Variants in TBX21 observed in about 807,000 individuals in gnomAD.
The protein encoded by TBX21 is T-box transcription factor TBX21.
In TBX21, 11 loss-of-function variants were observed where a neutral mutation model predicts 52.2. The observed-to-expected ratio is 0.21, with a 90% CI of 0.13 to 0.35. The LOEUF (loss-of-function observed/expected upper bound fraction) is 0.35. Ranked by LOEUF, TBX21 falls within the 10% of genes least tolerant of loss-of-function variation. The pLI is 1.00. For missense variants in TBX21, 625 were observed against 755.1 expected, an observed-to-expected ratio of 0.83 and a Z score of 2.02; for synonymous variants, 300 against 316.1, an observed-to-expected ratio of 0.95 and a Z score of 0.54.
intron 1 of TBX21, among the ~76,000 whole-genome samples, chr17:47,739,374 C>T (rs2032242548): frequency 6.6e-6 from 1 of 151,744 alleles, no homozygotes; most frequent in African/African-American, 2.4e-5. Flanking sequence ...TAACCCCGCT[C>T]GGGTGACTCG....
Position 47,745,323 on chromosome 17 carries a change from A to G in TBX21, c.1565A>G (p.Asp522Gly). The G allele has an allele frequency of 6.2e-7, 1 of 1,609,986 alleles. No individual in the cohort carries two copies. Among genetic ancestry groups the G allele is most frequent in the Non-Finnish European group, 8.5e-7 (1 of 1,178,810 alleles). ...SSPAGAPSPF[D>G]KEAEGQFYNY... ...CCTGCTGGGGCCCCTTCTCCTTTTG[A>G]TAAGGAAGCTGAAGGACAGTTTTAT... The change falls in exon 6 of 6, where the codon GAT becomes GGT. Residue 522 changes from aspartate (D) to glycine (G), a missense_variant. By Grantham distance (94) the Asp-to-Gly change is moderately conservative. Around this residue, in one of 4 missense-constraint regions of TBX21, gnomAD observed 261 missense variants for 275.1 expected, o/e 0.95. Transcript: ENST00000177694.
intron 1 of TBX21, among the ~76,000 whole-genome samples, chr17:47,738,644 A>C (rs1432968989): frequency 6.6e-6 from 1 of 151,154 alleles, no homozygotes; most frequent in African/African-American, 2.4e-5. Flanking sequence ...TCTGTTGCCC[A>C]GGCTGAAGTG....
At chr17:47,740,032 G>T (rs1401647134) in intron 1 of TBX21, among the ~76,000 whole-genome samples, 1 of 152,108 alleles carries the variant, frequency 6.6e-6, no homozygotes, top group Non-Finnish European at 1.5e-5. Context: ...CGGAGCGTCA[G>T]TTTCTTCAAA....
Position 47,741,365 on chromosome 17 carries a change from G to T in TBX21, c.492-1245G>T, listed in dbSNP as rs555774960. The stretch of plus-strand genomic sequence containing the variant: ...GGTGGTGGTGACGGGGCTAGTGAAG[G>T]TGTTAGTGGTGGAGATGGTGATGGT... On this transcript the variant is annotated intron_variant, in intron 1 of 5. Transcript: ENST00000177694. Among the ~76,000 whole-genome samples, 109 of 152,198 alleles carry T rather than the reference G, an allele frequency of 7.2e-4. No homozygotes were observed. In the South Asian group the frequency reaches 0.017, roughly 24 times the overall value.
intron 1 of TBX21, among the ~76,000 whole-genome samples, chr17:47,739,406 G>T (rs979576047): frequency 2.0e-5 from 3 of 151,442 alleles, no homozygotes; most frequent in Admixed American, 2.0e-4. Context: ...CAGGAGGATT[G>T]CCTGTGCCCA....
In TBX21 at chr17:47,734,622, G is replaced by GTGTGTGTGT. The variant is rs1567918990; in HGVS notation, c.491+677_491+678insTGTGTGTGT. 1.5e-3 allele frequency among the ~76,000 whole-genome samples: 153 copies of GTGTGTGTGT among 99,544 alleles called. 5 individuals are homozygous for GTGTGTGTGT. Among genetic ancestry groups the GTGTGTGTGT allele is most frequent in the Middle Eastern group, 4.5e-3 (1 of 220 alleles). The allele number at this position is 99,544 out of a possible 152,430, so 65.3% of individuals were successfully genotyped here. On this transcript the variant is annotated intron_variant, in intron 1 of 5. Coordinates refer to ENST00000177694, the MANE Select transcript of TBX21 (RefSeq NM_013351.2). ...GTGTGTGTGTGTGTATGTGTGTGTG[G>GTGTGTGTGT]GTGTGTGTGTATGGGGGCTAGTGCA...
intron 1 of TBX21, among the ~76,000 whole-genome samples, chr17:47,738,548 A>T (rs771960961): frequency 7.9e-5 from 12 of 151,956 alleles, no homozygotes; most frequent in Admixed American, 5.9e-4. Flanking sequence ...GCCCACACCA[A>T]TAGTCTATGA....
intron 1 of TBX21, among the ~76,000 whole-genome samples, chr17:47,741,717 G>T (rs955176658): frequency 6.6e-6 from 1 of 152,190 alleles, no homozygotes; most frequent in Non-Finnish European, 1.5e-5. Context: ...GAACTGAGGC[G>T]TGAGGACCTT....
rs760993880 is a variant in TBX21 at position 47,745,179 on chromosome 17, C to G, written c.1421C>G (p.Pro474Arg). 2.5e-5 allele frequency: 41 copies of G among 1,614,092 alleles called. No homozygotes were observed. The highest frequency in any genetic ancestry group is 3.3e-5 in the Admixed American group (2 of 60,000). Residue 474 changes from proline to arginine, a missense_variant, in exon 6 of 6, where the codon CCC (proline) becomes CGC (arginine). Pro to Arg is a moderately radical substitution (Grantham distance 103). Coordinates refer to ENST00000177694, the MANE Select transcript of TBX21 (RefSeq NM_013351.2). The part of the protein sequence containing the change: ...EGRGPEDQGP[P>R]LVWTEIAPIR... ...CGGGGACCAGAGGACCAGGGTCCCC[C>G]CTTGGTGTGGACTGAGATTGCCCCC...
chr17:47,744,887 G>A lies in TBX21; in HGVS notation c.1129G>A (p.Ala377Thr), dbSNP rs541852017. 1.8e-5 allele frequency: 29 copies of A among 1,614,214 alleles called. No individual in the cohort carries two copies. The highest frequency in any genetic ancestry group is 1.4e-4 in the South Asian group (13 of 91,082). The change falls in exon 6 of 6, where the codon GCG (alanine) becomes ACG (threonine). Residue 377 changes from alanine (A) to threonine (T), a missense_variant. By Grantham distance (58) the Ala-to-Thr change is moderately conservative. Transcript: ENST00000177694. ...CTTCTACCCCGACCTTCCTGGCCAG[G>A]CGAAGGATGTGGTTCCCCAGGCTTA... ...SRFYPDLPGQ[A>T]KDVVPQAYWL...
At chr17:47,735,898 C>T (rs2032202181) in intron 1 of TBX21, among the ~76,000 whole-genome samples, 1 of 152,198 alleles carries the variant, frequency 6.6e-6, no homozygotes. Flanking sequence ...TCCCCACAGC[C>T]TCTGCCAGGC....
intron 1 of TBX21, among the ~76,000 whole-genome samples, chr17:47,737,038 G>A (rs1223682240): frequency 6.6e-6 from 1 of 152,156 alleles, no homozygotes; most frequent in Non-Finnish European, 1.5e-5. Context: ...AGGGCACAGG[G>A]GGTGATTCCT....
rs528677771 is a variant in TBX21 at position 47,742,511 on chromosome 17, C to T, written c.492-99C>T. On this transcript the variant is annotated intron_variant, in intron 1 of 5. Transcript: ENST00000177694. The surrounding 1 kb of genome is among the most constrained non-coding windows in gnomAD (Gnocchi z 4.4). Reference sequence around the variant, plus strand: ...CTGGTTCTTGTGAGTGGGAGGAAGCCGGCTACAGCACACCACTGATGCCTG... The same window carrying T: ...CTGGTTCTTGTGAGTGGGAGGAAGCTGGCTACAGCACACCACTGATGCCTG... 82 of 1,386,152 alleles carry T rather than the reference C, an allele frequency of 5.9e-5. 1 individual carries two copies. The highest frequency in any genetic ancestry group is 8.1e-5 in the South Asian group (5 of 61,814). 85.9% of individuals were successfully genotyped at this position (1,386,152 alleles called of 1,614,324 possible).
intron 1 of TBX21, among the ~76,000 whole-genome samples, chr17:47,737,779 C>G (rs1050156626): frequency 5.9e-5 from 9 of 151,438 alleles, no homozygotes; most frequent in African/African-American, 2.2e-4. Flanking sequence ...GCAGAAGCCA[C>G]CAAGCCCAGC....
Position 47,733,792 on chromosome 17 carries a change from C to G in TBX21, c.338C>G (p.Pro113Arg). ...QPGEGYAAPD[P>R]RAGLYPGPRE... ...GGCGAGGGCTACGCCGCCCCGGACCCGCGCGCCGGGCTCTACCCGGGGCCG... is the reference window on the plus strand; with the variant it reads ...GGCGAGGGCTACGCCGCCCCGGACCGGCGCGCCGGGCTCTACCCGGGGCCG... Residue 113 changes from proline (P) to arginine (R), a missense_variant, in exon 1 of 6, where the codon CCG becomes CGG. Physicochemically the swap from Pro to Arg is moderately radical, Grantham distance 103 (BLOSUM62 -2). This residue lies in a region of TBX21 where 221 missense variants were observed against 204.9 expected (regional missense o/e 1.08). Coordinates refer to ENST00000177694, the MANE Select transcript of TBX21 (RefSeq NM_013351.2). The surrounding 1 kb of genome is among the most constrained non-coding windows in gnomAD (Gnocchi z 6.6). 3.2e-6 allele frequency: 5 copies of G among 1,564,840 alleles called. No individual in the cohort carries two copies. Among genetic ancestry groups the G allele is most frequent in the Non-Finnish European group, 4.3e-6 (5 of 1,156,642 alleles).
intron 1 of TBX21, among the ~76,000 whole-genome samples, chr17:47,739,562 CA>C (rs966945510): frequency 6.6e-6 from 1 of 152,034 alleles, no homozygotes; most frequent in Non-Finnish European, 1.5e-5. Context: ...AGTTCGAGAC[CA>C]GCTTGATTAA....
rs2032308636 is a variant in TBX21, at chr17:47,744,772, C to T, written c.1014C>T (p.Ser338=). The change falls in exon 6 of 6, where the codon AGC becomes AGT. Residue 338 remains serine (S), a synonymous_variant. Coordinates refer to ENST00000177694, the MANE Select transcript of TBX21 (RefSeq NM_013351.2). The part of the protein sequence containing the change: ...FESMYTSVDT[S]IPSPPGPNCQ... ...GCATGTACACATCTGTTGACACCAG[C>T]ATCCCCTCCCCGCCTGGACCCAACT... The T allele has an allele frequency of 6.2e-7, 1 of 1,613,776 alleles. No homozygotes were observed. Among genetic ancestry groups the T allele is most frequent in the Admixed American group, 1.7e-5 (1 of 59,988 alleles).
intron 1 of TBX21, among the ~76,000 whole-genome samples, chr17:47,734,554 G>GGTGTGT (rs55690005): frequency 0.025 from 2,536 of 102,864 alleles, 87 homozygotes; most frequent in East Asian, 0.046. Flanking sequence ...TCATATGTCT[G>GGTGTGT]GTGTGTGTGT....
chr17:47,735,637 C>G (rs1030555332), intron 1 of TBX21, among the ~76,000 whole-genome samples: 1 of 152,216 alleles, frequency 6.6e-6, no homozygotes, highest in Non-Finnish European at 1.5e-5. Context: ...TGGCCCCCTA[C>G]GGCCACCAGT....
Sources: gnomAD v4.1 joint callset for allele counts (sites outside exome capture counted in the v4.1 genomes callset) on GRCh38, gnomAD v4.1.1 for gene constraint, gnomAD v4.1.1 regional missense constraint, Gnocchi (gnomAD v3.1) non-coding constraint, MANE v1.5 for transcripts, NCBI Gene and HGNC (gene_info 2026-07-23, HGNC 2026-07-21) for gene names.